NKAIN2: variants seen among roughly 807,000 people sequenced by gnomAD.
NKAIN2 encodes sodium/potassium-transporting ATPase subunit beta-1-interacting protein 2.
Under a neutral mutation model 32.6 loss-of-function variants are expected in NKAIN2, and 14 were observed. That is an observed-to-expected ratio of 0.43 (90% confidence interval 0.28 to 0.67). The LOEUF (loss-of-function observed/expected upper bound fraction) is 0.67, where lower values mean the gene tolerates loss of function less well. NKAIN2 is among the 30% of genes least tolerant of loss of function. The pLI is 0.17. For missense variants in NKAIN2, 198 were observed against 258.3 expected, an observed-to-expected ratio of 0.77 and a Z score of 1.60; for synonymous variants, 80 against 87.2, an observed-to-expected ratio of 0.92 and a Z score of 0.46.
At chr6:124,267,835 A>G (rs1794573547) in intron 1 of NKAIN2, among the ~76,000 whole-genome samples, 1 of 152,172 alleles carries the variant, frequency 6.6e-6, no homozygotes, top group Admixed American at 6.5e-5. Context: ...TGGCATGAAA[A>G]ATATCTTTAA....
chr6:124,074,300 G>T (rs368255528), intron 1 of NKAIN2, among the ~76,000 whole-genome samples: 4 of 152,106 alleles, frequency 2.6e-5, no homozygotes, highest in African/African-American at 9.7e-5. Context: ...AGGAGAGCAG[G>T]TGTTCAGCAT....
At chr6:124,237,563 A>G (rs2114759018) in intron 1 of NKAIN2, among the ~76,000 whole-genome samples, 1 of 152,266 alleles carries the variant, frequency 6.6e-6, no homozygotes, top group African/African-American at 2.4e-5. Context: ...GTACTCAAGA[A>G]GATTAGTGTG....
chr6:124,368,430 A>G, intron 3 of NKAIN2, among the ~76,000 whole-genome samples: 1 of 152,078 alleles, frequency 6.6e-6, no homozygotes, highest in East Asian at 1.9e-4. Context: ...ATCTTTTACT[A>G]TTCCTAAAAC....
chr6:123,831,057 C>G (rs549761341), intron 1 of NKAIN2, among the ~76,000 whole-genome samples: 1 of 152,270 alleles, frequency 6.6e-6, no homozygotes, highest in South Asian at 2.1e-4. Flanking sequence ...AAGGTCAGAG[C>G]ATGAAGACTA....
intron 2 of NKAIN2, among the ~76,000 whole-genome samples, chr6:124,342,833 T>C (rs930449213): frequency 6.6e-6 from 1 of 150,594 alleles, no homozygotes; most frequent in African/African-American, 2.4e-5. Context: ...ATTATTATTA[T>C]TATTATTATT....
intron 1 of NKAIN2, among the ~76,000 whole-genome samples, chr6:123,987,716 C>T (rs1240566613): frequency 6.6e-6 from 1 of 152,192 alleles, no homozygotes; most frequent in Admixed American, 6.5e-5. Flanking sequence ...TGCCATGTGG[C>T]TCCTCCATCT....
rs528021716 is a variant in NKAIN2 at position 123,836,584 on chromosome 6, T to G, written c.54+32330T>G. On this transcript the variant is annotated intron_variant, in intron 1 of 6. Coordinates refer to ENST00000368417, the MANE Select transcript of NKAIN2 (RefSeq NM_001040214.3). The stretch of plus-strand genomic sequence containing the variant: ...GATGAGGAACCGTCACAATTTGGAA[T>G]GAAGCTAAGGAAAATGGTGACTAAA... 3.3e-5 allele frequency among the ~76,000 whole-genome samples: 5 copies of G among 151,848 alleles called. No individual in the cohort carries two copies. The South Asian group carries it at 1.0e-3, about 32-fold the overall frequency.
chr6:124,750,070 C>A (rs1368849835), intron 4 of NKAIN2, among the ~76,000 whole-genome samples: 2 of 151,766 alleles, frequency 1.3e-5, no homozygotes, highest in Admixed American at 1.3e-4. Context: ...ACTTACTAGG[C>A]CTGAGACTTT....
chr6:124,014,280 A>G (rs1045770837), intron 1 of NKAIN2, among the ~76,000 whole-genome samples: 3 of 152,200 alleles, frequency 2.0e-5, no homozygotes, highest in African/African-American at 7.2e-5. Context: ...GTCCACCTAC[A>G]AATATATACT....
intron 1 of NKAIN2, among the ~76,000 whole-genome samples, chr6:123,888,458 G>A (rs1773835222): frequency 6.6e-6 from 1 of 152,068 alleles, no homozygotes; most frequent in African/African-American, 2.4e-5. Context: ...GGAGCATAAG[G>A]GAGAAAATAC....
At chr6:124,776,694 G>C (rs779884931) in intron 4 of NKAIN2, among the ~76,000 whole-genome samples, 2 of 152,092 alleles carry the variant, frequency 1.3e-5, no homozygotes, top group East Asian at 3.9e-4. Flanking sequence ...ATTATACACC[G>C]TAATTTTTAT....
chr6:124,153,352 G>T (rs562413428), intron 1 of NKAIN2, among the ~76,000 whole-genome samples: 61 of 151,706 alleles, frequency 4.0e-4, no homozygotes, highest in African/African-American at 1.5e-3. Context: ...ATCAATTTTA[G>T]AATTCTATGT....
chr6:124,715,875 G>A (rs967746150), intron 4 of NKAIN2, among the ~76,000 whole-genome samples: 4 of 152,170 alleles, frequency 2.6e-5, no homozygotes, highest in Non-Finnish European at 5.9e-5. Flanking sequence ...CTAGAGTTAA[G>A]GAAATGTGGT....
intron 3 of NKAIN2, among the ~76,000 whole-genome samples, chr6:124,466,968 T>C (rs965610496): frequency 1.3e-5 from 2 of 152,098 alleles, no homozygotes; most frequent in Non-Finnish European, 2.9e-5. Flanking sequence ...AATGCCCTTT[T>C]CATAATTATA....
At chr6:123,833,701 G>GTGTGTC (rs1308706002) in intron 1 of NKAIN2, among the ~76,000 whole-genome samples, 3 of 146,560 alleles carry the variant, frequency 2.0e-5, no homozygotes, top group Non-Finnish European at 4.5e-5. Context: ...CTGTGTGTGT[G>GTGTGTC]TGTGTGTGTG....
chr6:124,658,733 A>G, intron 4 of NKAIN2: 1 of 423,012 alleles, frequency 2.4e-6, no homozygotes, highest in Non-Finnish European at 4.1e-6. Context: ...ACTCAAAATT[A>G]TAAGATTTCC....
At chr6:124,455,559 A>G (rs1461514601) in intron 3 of NKAIN2, among the ~76,000 whole-genome samples, 1 of 152,062 alleles carries the variant, frequency 6.6e-6, no homozygotes, top group East Asian at 1.9e-4. Context: ...ATGATATTAA[A>G]GAAAATCCCC....
Position 124,355,247 on chromosome 6 carries a change from T to C in NKAIN2, c.193-20T>C. 1 of 1,508,272 alleles carries C rather than the reference T, an allele frequency of 6.6e-7. No homozygotes were observed. Among genetic ancestry groups the C allele is most frequent in the African/African-American group, 1.4e-5 (1 of 72,726 alleles). The allele number at this position is 1,508,272 out of a possible 1,614,324, so 93.4% of individuals were successfully genotyped here. On this transcript the variant is annotated intron_variant, in intron 2 of 6. Coordinates refer to ENST00000368417, the MANE Select transcript of NKAIN2 (RefSeq NM_001040214.3). Reference sequence around the variant, plus strand: ...GATTCCAAATTAATTATACGTTATTTCTCTCTTGCTTCTCTACAGTATGCT... The same window carrying C: ...GATTCCAAATTAATTATACGTTATTCCTCTCTTGCTTCTCTACAGTATGCT...
intron 1 of NKAIN2, among the ~76,000 whole-genome samples, chr6:124,020,743 G>T (rs1458893006): frequency 2.0e-5 from 3 of 151,978 alleles, no homozygotes; most frequent in Non-Finnish European, 4.4e-5. Context: ...AGAAACTGAG[G>T]CACCGAATTT....
Sources: gnomAD v4.1 joint callset for allele counts (sites outside exome capture counted in the v4.1 genomes callset) on GRCh38, gnomAD v4.1.1 for gene constraint, MANE v1.5 for transcripts, NCBI Gene and HGNC (gene_info 2026-07-23, HGNC 2026-07-21) for gene names.